The following NEURL1 variants were observed in gnomAD, a reference collection of about 807,000 sequenced individuals.
NEURL1 encodes the protein E3 ubiquitin-protein ligase NEURL1.
Under a neutral mutation model 41.2 loss-of-function variants are expected in NEURL1, and 26 were observed. That is an observed-to-expected ratio of 0.63 (90% CI 0.46 to 0.87). NEURL1 has a LOEUF of 0.87. Ranked by LOEUF, NEURL1 falls within the 40% of genes least tolerant of loss-of-function variation. NEURL1 has a pLI of 0.00. For missense variants in NEURL1, 761 were observed against 871.1 expected (o/e 0.87, Z 1.59); for synonymous variants, 400 against 402.3 (o/e 0.99, Z 0.07).
At chr10:103,569,197 A>G (rs1334488783) in intron 1 of NEURL1, among the ~76,000 whole-genome samples, 1 of 152,240 alleles carries the variant, frequency 6.6e-6, no homozygotes, top group Non-Finnish European at 1.5e-5. Context: ...AGGGTTTTGA[A>G]GGGAATGGAA....
chr10:103,497,008 G>C lies in NEURL1; in HGVS notation c.85+2536G>C, dbSNP rs567681821. On this transcript the variant is annotated intron_variant, in intron 1 of 5. Coordinates refer to ENST00000369780, the MANE Select transcript of NEURL1 (RefSeq NM_004210.5). The stretch of plus-strand genomic sequence containing the variant: ...CACTGTAGGTGACCATGGGAATTTT[G>C]ATCCCGCCCCTACTAAGCCTGAAAT... Among the ~76,000 whole-genome samples the C allele has an allele frequency of 3.3e-5, 5 of 152,216 alleles. No individual in the cohort carries two copies. The South Asian group carries it at 1.0e-3, about 32-fold the overall frequency.
At chr10:103,589,314 G>C (rs1055298139) in intron 4 of NEURL1, among the ~76,000 whole-genome samples, 200 bp from the exon 5 acceptor site, 3 of 152,192 alleles carry the variant, frequency 2.0e-5, no homozygotes, top group African/African-American at 7.2e-5. Context: ...GTGCTGTCTG[G>C]GGTCAAAGTC....
At chr10:103,560,018 CAT>C (rs1024306468) in intron 1 of NEURL1, among the ~76,000 whole-genome samples, 62 of 152,042 alleles carry the variant, frequency 4.1e-4, no homozygotes, top group African/African-American at 1.4e-3. Flanking sequence ...CACATGCACA[CAT>C]ACACACAAGT....
At chr10:103,578,261 T>G (rs1180534886) in intron 3 of NEURL1, among the ~76,000 whole-genome samples, 2 of 152,178 alleles carry the variant, frequency 1.3e-5, no homozygotes, top group Non-Finnish European at 2.9e-5. Context: ...GTCTTTAGGT[T>G]AAAAAGGAAT....
chr10:103,555,616 G>GGGTGC (rs1341852784), intron 1 of NEURL1, among the ~76,000 whole-genome samples: 1 of 152,102 alleles, frequency 6.6e-6, no homozygotes, highest in Admixed American at 6.5e-5. Flanking sequence ...GCAGGAAGAG[G>GGGTGC]GGTGCCTTCC....
At chr10:103,585,696 T>C (rs1331225644) in intron 4 of NEURL1, among the ~76,000 whole-genome samples, 4 of 151,808 alleles carry the variant, frequency 2.6e-5, no homozygotes, top group Non-Finnish European at 5.9e-5. Context: ...TAGCGGGGCA[T>C]GGTGGTGGGC....
chr10:103,496,279 A>G (rs538236260), intron 1 of NEURL1, among the ~76,000 whole-genome samples: 31 of 152,314 alleles, frequency 2.0e-4, no homozygotes, highest in Non-Finnish European at 3.4e-4. Flanking sequence ...ATCATGGTAT[A>G]TATTCTTGGT....
chr10:103,589,574 C>T lies in NEURL1; in HGVS notation c.1400C>T (p.Pro467Leu), dbSNP rs373025342. Residue 467 changes from proline (P) to leucine (L), a missense_variant, in exon 5 of 6, where the codon CCA (proline) becomes CTA (leucine). Physicochemically the swap from Pro to Leu is moderately conservative, Grantham distance 98. Coordinates refer to ENST00000369780, the MANE Select transcript of NEURL1 (RefSeq NM_004210.5). ...CTCCCCTGCTCCCCTGCCTCCACGC[C>T]AACCTCGCCCAGTGCCCTGGGCAGC... ...PSLPCSPAST[P>L]TSPSALGSRL... 1 of 1,614,020 alleles carries T rather than the reference C, an allele frequency of 6.2e-7. No homozygotes were observed. The highest frequency in any genetic ancestry group is 8.5e-7 in the Non-Finnish European group (1 of 1,179,946).
rs547451737 is a variant in NEURL1, at chr10:103,494,346, C to T, written c.-42C>T. ...CCGCACCTCAGCGCCTGCCCGGCCT[C>T]GCCCCCACCCGCGAGCGCCGAACCT... On this transcript the variant is annotated 5_prime_UTR_variant, in exon 1 of 6. Transcript: ENST00000369780. 3.3e-6 allele frequency: 5 copies of T among 1,515,614 alleles called. No homozygotes were observed. The highest frequency in any genetic ancestry group is 3.6e-6 in the Non-Finnish European group (4 of 1,115,246). 93.9% of individuals were successfully genotyped at this position (1,515,614 alleles called of 1,614,324 possible).
chr10:103,550,025 G>C (rs1282036984), intron 1 of NEURL1, among the ~76,000 whole-genome samples: 1 of 152,228 alleles, frequency 6.6e-6, no homozygotes, highest in Non-Finnish European at 1.5e-5. Context: ...TTCCCCATTA[G>C]AGAGCTTGGT....
rs904210136 is a variant in NEURL1 at position 103,566,810 on chromosome 10, A to G, written c.86-4062A>G. On this transcript the variant is annotated intron_variant, in intron 1 of 5. Coordinates refer to ENST00000369780, the MANE Select transcript of NEURL1 (RefSeq NM_004210.5). This position sits in a 1 kb window ranked among gnomAD's most constrained non-coding sequence, Gnocchi z 4.2. ...GCTTTCCAGGTTGTGTCGTGTCCCA[A>G]CAGGAATGTAGGAGGGCTGAGGACA... Among the ~76,000 whole-genome samples, 7 of 152,182 alleles carry G rather than the reference A, an allele frequency of 4.6e-5. No individual in the cohort carries two copies. The highest frequency in any genetic ancestry group is 1.9e-4 in the East Asian group (1 of 5,206).
chr10:103,534,180 A>ATTTTTTTTTTTT (rs35899711), intron 1 of NEURL1, among the ~76,000 whole-genome samples: 1 of 138,668 alleles, frequency 7.2e-6, no homozygotes, highest in Non-Finnish European at 1.5e-5. Context: ...GTCTATCTGT[A>ATTTTTTTTTTTT]TTTTTTTTTT....
intron 3 of NEURL1, among the ~76,000 whole-genome samples, chr10:103,579,953 A>G (rs2035750779): frequency 6.6e-6 from 1 of 152,036 alleles, no homozygotes; most frequent in South Asian, 2.1e-4. Context: ...ATCAAAAAAT[A>G]ATAATAATAA....
intron 1 of NEURL1, among the ~76,000 whole-genome samples, chr10:103,499,336 G>A (rs542131738): frequency 6.6e-6 from 1 of 152,206 alleles, no homozygotes; most frequent in East Asian, 1.9e-4. Context: ...TGAGAGCAGG[G>A]GCAGGGGAAG....
intron 4 of NEURL1, chr10:103,589,035 T>C: frequency 4.9e-6 from 2 of 404,868 alleles, no homozygotes; most frequent in Non-Finnish European, 9.5e-6. Flanking sequence ...TGGGAAAAAG[T>C]GAAGGCACTG....
chr10:103,527,832 T>C (rs1455010301), intron 1 of NEURL1, among the ~76,000 whole-genome samples: 1 of 152,228 alleles, frequency 6.6e-6, no homozygotes, highest in Non-Finnish European at 1.5e-5. Context: ...TGAATATCTA[T>C]CTTCTCTAAC....
At position 103,584,916 on chromosome 10, in the gene NEURL1, C is replaced by G; in HGVS notation, c.1030C>G (p.Arg344Gly). ...CGAGACCATCTTCGTCAAGGTCACG[C>G]GCTCGGGTGGCGCGCGGCCCGGCGC... is the stretch of plus-strand genomic sequence containing the variant. ...VAETIFVKVTRSGGARPGALS... is the reference protein window; with the variant it reads ...VAETIFVKVTGSGGARPGALS... The change falls in exon 4 of 6, where the codon CGC (arginine) becomes GGC (glycine). Residue 344 changes from arginine (R) to glycine (G), a missense_variant. Physicochemically the swap from Arg to Gly is moderately radical, Grantham distance 125. Transcript: ENST00000369780. 6.8e-7 allele frequency: 1 copy of G among 1,476,090 alleles called. No individual in the cohort carries two copies. Among genetic ancestry groups the G allele is most frequent in the Non-Finnish European group, 8.9e-7 (1 of 1,121,880 alleles). 91.4% of individuals were successfully genotyped at this position (1,476,090 alleles called of 1,614,324 possible).
Position 103,499,389 on chromosome 10 carries a change from C to T in NEURL1, c.85+4917C>T, listed in dbSNP as rs1214290833. 2.6e-5 allele frequency among the ~76,000 whole-genome samples: 4 copies of T among 151,974 alleles called. No homozygotes were observed. In the South Asian group the frequency reaches 8.3e-4, roughly 32 times the overall value. On this transcript the variant is annotated intron_variant, in intron 1 of 5. Transcript: ENST00000369780. ...GTCTTAGCTATTTTTCTTTCTCTCC[C>T]TCCCTCCCTCCTTCCCTCCCTTCCT... is the stretch of plus-strand genomic sequence containing the variant.
chr10:103,535,706 G>A (rs2034677033), intron 1 of NEURL1, among the ~76,000 whole-genome samples: 1 of 152,136 alleles, frequency 6.6e-6, no homozygotes, highest in Admixed American at 6.5e-5. Flanking sequence ...TTAGGCTCTG[G>A]CCCAAGGGGG....
Sources: gnomAD v4.1 joint callset for allele counts (sites outside exome capture counted in the v4.1 genomes callset) on GRCh38, gnomAD v4.1.1 for gene constraint, Gnocchi (gnomAD v3.1) non-coding constraint, MANE v1.5 for transcripts, NCBI Gene and HGNC (gene_info 2026-07-23, HGNC 2026-07-21) for gene names.